DISC1: variants seen among roughly 807,000 people sequenced by gnomAD.
DISC1 encodes the protein disrupted in schizophrenia 1 protein.
Under a neutral mutation model 84.5 loss-of-function variants are expected in DISC1, and 57 were observed. That is an observed-to-expected ratio of 0.67 (90% confidence interval 0.55 to 0.84). DISC1 has a LOEUF of 0.84. DISC1 is among the 40% of genes least tolerant of loss of function. The pLI, the probability that DISC1 is intolerant of heterozygous loss-of-function variation, is 0.00. For missense variants in DISC1, 1,000 were observed against 1,057.8 expected (o/e 0.95, Z 0.76); for synonymous variants, 411 against 415.2 (o/e 0.99, Z 0.12).
intron 9 of DISC1, among the ~76,000 whole-genome samples, chr1:231,833,427 A>G (rs949309137): frequency 2.0e-5 from 3 of 151,628 alleles, no homozygotes; most frequent in East Asian, 1.9e-4. Context: ...CTCGGCATCC[A>G]TGATGGTCTA....
intron 9 of DISC1, among the ~76,000 whole-genome samples, chr1:231,938,178 T>C (rs186283165): frequency 1.3e-5 from 2 of 152,222 alleles, no homozygotes; most frequent in Admixed American, 6.5e-5. Flanking sequence ...AAGATGGATG[T>C]TACAAGGCTA....
chr1:231,792,665 C>G (rs183634386), intron 6 of DISC1, among the ~76,000 whole-genome samples: 1 of 152,312 alleles, frequency 6.6e-6, no homozygotes, highest in East Asian at 1.9e-4. Context: ...AAAGCTGGTG[C>G]TGCTGTTAGA....
intron 3 of DISC1, among the ~76,000 whole-genome samples, chr1:231,714,886 A>G (rs1399307654): frequency 6.6e-6 from 1 of 152,254 alleles, no homozygotes; most frequent in African/African-American, 2.4e-5. Context: ...GAAACAAGTC[A>G]TCAAAGTTGT....
intron 3 of DISC1, among the ~76,000 whole-genome samples, chr1:231,725,182 C>A (rs1284593301): frequency 1.3e-5 from 2 of 152,204 alleles, no homozygotes; most frequent in African/African-American, 4.8e-5. Context: ...TCAAGTCCCT[C>A]TTGATGATCA....
chr1:231,855,279 T>C, intron 9 of DISC1: 1 of 950,028 alleles, frequency 1.1e-6, no homozygotes, highest in East Asian at 1.2e-4. Context: ...TAACTTTCTA[T>C]ATAACATATG....
rs543977377 is a variant in DISC1 at position 231,813,995 on chromosome 1, A to G, written c.1793-4334A>G. Among the ~76,000 whole-genome samples the G allele has an allele frequency of 2.6e-5, 4 of 152,302 alleles. No homozygotes were observed. In the East Asian group the frequency reaches 5.8e-4, roughly 22 times the overall value. Reference sequence around the variant, plus strand: ...GTTTTAAGCAGTGAGAGACAAACACATGAGTCTCAATAGGGTCTTTATCCA... The same window carrying G: ...GTTTTAAGCAGTGAGAGACAAACACGTGAGTCTCAATAGGGTCTTTATCCA... On this transcript the variant is annotated intron_variant, in intron 8 of 12. Transcript: ENST00000439617.
chr1:231,952,713 AT>A (rs1010545664), intron 9 of DISC1, among the ~76,000 whole-genome samples: 11 of 130,752 alleles, frequency 8.4e-5, no homozygotes, highest in Non-Finnish European at 1.6e-4. Flanking sequence ...ATATATATAT[AT>A]GTATATATAT....
chr1:231,852,562 A>G (rs2083971846), intron 9 of DISC1, among the ~76,000 whole-genome samples: 1 of 152,244 alleles, frequency 6.6e-6, no homozygotes, highest in South Asian at 2.1e-4. Flanking sequence ...TCATATAGCA[A>G]CATTTGGGGC....
chr1:231,878,499 G>T (rs1171899909), intron 9 of DISC1, among the ~76,000 whole-genome samples: 1 of 152,176 alleles, frequency 6.6e-6, no homozygotes, highest in Non-Finnish European at 1.5e-5. Context: ...CAGAGATGGG[G>T]AGCTGAGAGG....
At chr1:231,986,334 G>A (rs1664434546) in intron 10 of DISC1, among the ~76,000 whole-genome samples, 1 of 152,146 alleles carries the variant, frequency 6.6e-6, no homozygotes, top group Admixed American at 6.5e-5. Flanking sequence ...GATGCATAAG[G>A]CAGTGTAGGG....
intron 1 of DISC1, among the ~76,000 whole-genome samples, chr1:231,638,623 T>C (rs971051620): frequency 3.9e-5 from 6 of 152,232 alleles, no homozygotes; most frequent in African/African-American, 1.4e-4. Context: ...TGTATGTTCT[T>C]GTCAATGTTG....
chr1:232,024,340 T>C (rs1669247443), intron 11 of DISC1, among the ~76,000 whole-genome samples: 1 of 152,192 alleles, frequency 6.6e-6, no homozygotes, highest in Non-Finnish European at 1.5e-5. Context: ...CCATTAGCAC[T>C]ATTTTATTCT....
chr1:231,718,086 C>T (rs537787811), intron 3 of DISC1, among the ~76,000 whole-genome samples: 2 of 152,216 alleles, frequency 1.3e-5, no homozygotes, highest in African/African-American at 2.4e-5. Flanking sequence ...TACACCTTTT[C>T]GATTTTATCT....
chr1:231,891,435 A>T (rs567557367), intron 9 of DISC1, among the ~76,000 whole-genome samples: 3 of 152,202 alleles, frequency 2.0e-5, no homozygotes, highest in African/African-American at 7.2e-5. Flanking sequence ...ATCCTGTGTC[A>T]TGCCACGTGA....
intron 4 of DISC1, among the ~76,000 whole-genome samples, chr1:231,758,069 G>GT (rs375621403): frequency 3.6e-3 from 523 of 146,920 alleles, no homozygotes; most frequent in African/African-American, 0.011. Context: ...GCTCCACACT[G>GT]TTTTTTTTTT....
At chr1:231,875,096 A>G (rs1237556999) in intron 9 of DISC1, among the ~76,000 whole-genome samples, 3 of 152,152 alleles carry the variant, frequency 2.0e-5, no homozygotes, top group Non-Finnish European at 4.4e-5. Context: ...TCACTTGTCC[A>G]ACCCATGGAT....
At chr1:231,754,379 A>G (rs1449411028) in intron 4 of DISC1, among the ~76,000 whole-genome samples, 1 of 152,160 alleles carries the variant, frequency 6.6e-6, no homozygotes, top group South Asian at 2.1e-4. Context: ...GAAACTTACA[A>G]TCATGGCAGA....
At chr1:231,688,073 A>G (rs372698081) in intron 1 of DISC1, among the ~76,000 whole-genome samples, 6 of 152,328 alleles carry the variant, frequency 3.9e-5, no homozygotes, top group African/African-American at 1.2e-4. Context: ...ATGGTCAGTT[A>G]GCAAAGTAAG....
chr1:231,832,788 T>C (rs1034255151), intron 9 of DISC1, among the ~76,000 whole-genome samples: 6 of 148,436 alleles, frequency 4.0e-5, no homozygotes, highest in African/African-American at 1.0e-4. Flanking sequence ...AACAATTTCA[T>C]TGATAAGGCG....
Sources: gnomAD v4.1 joint callset for allele counts (sites outside exome capture counted in the v4.1 genomes callset) on GRCh38, gnomAD v4.1.1 for gene constraint, MANE v1.5 for transcripts, NCBI Gene and HGNC (gene_info 2026-07-23, HGNC 2026-07-21) for gene names.